Variants in SLC20A1 observed in about 807,000 individuals in gnomAD.
SLC20A1 encodes sodium-dependent phosphate transporter 1.
A neutral mutation model predicts 62.7 loss-of-function variants in SLC20A1; 28 were observed. The observed-to-expected ratio is 0.45, with a 90% confidence interval of 0.33 to 0.61. The LOEUF (loss-of-function observed/expected upper bound fraction) is 0.61. SLC20A1 is among the 20% of genes least tolerant of loss of function. The pLI, the probability that SLC20A1 is intolerant of heterozygous loss-of-function variation, is 0.02. For missense variants in SLC20A1, 673 were observed against 838.6 expected, an observed-to-expected ratio of 0.80 and a Z score of 2.44; for synonymous variants, 305 against 302.9, an observed-to-expected ratio of 1.01 and a Z score of -0.07.
At chr2:112,657,708 A>C (rs1460533701) in intron 6 of SLC20A1, among the ~76,000 whole-genome samples, 1 of 152,266 alleles carries the variant, frequency 6.6e-6, no homozygotes, top group African/African-American at 2.4e-5. Flanking sequence ...TCTAATGTGT[A>C]CATGTTGTAT....
intron 10 of SLC20A1, 23 bp from the exon 11 acceptor site, chr2:112,662,841 T>G (rs1483871794): frequency 1.2e-6 from 2 of 1,611,466 alleles, no homozygotes. Context: ...ATAACCTGTT[T>G]CCTTGGTCTG....
intron 4 of SLC20A1, 142 bp from the exon 5 acceptor site, chr2:112,652,560 G>A (rs540756775): frequency 4.3e-5 from 28 of 648,644 alleles, no homozygotes; most frequent in Non-Finnish European, 6.2e-5. Context: ...TGCAAATGCA[G>A]GAAAAACTCT....
intron 8 of SLC20A1, 62 bp from the exon 9 acceptor site, chr2:112,660,325 T>C: frequency 9.2e-6 from 13 of 1,416,622 alleles, no homozygotes; most frequent in South Asian, 1.3e-5. Flanking sequence ...TTCAGCAGAT[T>C]GGGTCTTGCC....
At chr2:112,662,115 A>T (rs1574192238) in intron 10 of SLC20A1, among the ~76,000 whole-genome samples, 1 of 152,242 alleles carries the variant, frequency 6.6e-6, no homozygotes, top group African/African-American at 2.4e-5. Context: ...TCTAATAATT[A>T]TAGGAGAAGG....
intron 5 of SLC20A1, 122 bp downstream of exon 5, chr2:112,652,920 C>T (rs1406883942): frequency 9.4e-6 from 15 of 1,591,014 alleles, no homozygotes; most frequent in African/African-American, 5.4e-5. Flanking sequence ...GGCTGGCCTG[C>T]GCCCATTTCA....
Position 112,647,643 on chromosome 2 carries a change from T to G in SLC20A1, c.476-10T>G. The G allele has an allele frequency of 6.2e-7, 1 of 1,608,784 alleles. No homozygotes were observed. The highest frequency in any genetic ancestry group is 8.5e-7 in the Non-Finnish European group (1 of 1,175,134). On this transcript the variant is annotated splice_polypyrimidine_tract_variant and intron_variant, in intron 3 of 10. Coordinates refer to ENST00000272542, the MANE Select transcript of SLC20A1 (RefSeq NM_005415.5). ...TATTTGATATTTTTTCTTAATGTGT[T>G]CTATTCCAGTGATGTCTTGGTTCGT...
chr2:112,659,148 A>T, intron 7 of SLC20A1, 54 bp downstream of exon 7: 1 of 1,605,734 alleles, frequency 6.2e-7, no homozygotes, highest in Non-Finnish European at 8.5e-7. Context: ...GAGGAGGCTT[A>T]TTGTTTTGGA....
In SLC20A1 at chr2:112,663,701, T is replaced by C. The variant is rs534990838; in HGVS notation, c.*676T>C. On this transcript the variant is annotated 3_prime_UTR_variant, in exon 11 of 11. Coordinates refer to ENST00000272542, the MANE Select transcript of SLC20A1 (RefSeq NM_005415.5). ...GGCAATCTTGGTTATTTCTTTAAGA[T>C]TTCTGGCAGTGTGGGATGGATGAAT... 4 of 154,346 alleles carry C rather than the reference T, an allele frequency of 2.6e-5. No individual in the cohort carries two copies. The highest frequency in any genetic ancestry group is 9.6e-5 in the African/African-American group (4 of 41,578). The allele number at this position is 154,346 out of a possible 1,614,324, so 9.6% of individuals were successfully genotyped here. A position where few individuals can be genotyped will look rare whatever the true frequency, so the allele number is the denominator to read the frequency against.
intron 4 of SLC20A1, chr2:112,652,390 T>C: frequency 2.5e-6 from 1 of 403,186 alleles, no homozygotes; most frequent in South Asian, 3.0e-5. Context: ...AGGTGTGTGC[T>C]GAAGTTTATA....
chr2:112,663,412 G>T lies in SLC20A1; in HGVS notation c.*387G>T. On this transcript the variant is annotated 3_prime_UTR_variant, in exon 11 of 11. Coordinates refer to ENST00000272542, the MANE Select transcript of SLC20A1 (RefSeq NM_005415.5). The stretch of plus-strand genomic sequence containing the variant: ...CGTTTGACAGAGCATGCTCTGCGTT[G>T]TTGGTTTCACCAGCTTCTGCCCTCA... The T allele has an allele frequency of 3.0e-6, 1 of 337,148 alleles. No individual in the cohort carries two copies. The highest frequency in any genetic ancestry group is 5.7e-6 in the Non-Finnish European group (1 of 175,830). The allele number at this position is 337,148 out of a possible 1,614,324, so 20.9% of individuals were successfully genotyped here.
Position 112,660,655 on chromosome 2 carries a change from C to T in SLC20A1, c.1793+83C>T, listed in dbSNP as rs115729098. The T allele has an allele frequency of 3.8e-4, 442 of 1,152,732 alleles. 3 individuals are homozygous for T. Among genetic ancestry groups the T allele is most frequent in the Non-Finnish European group, 4.5e-4 (377 of 831,260 alleles). 71.4% of individuals were successfully genotyped at this position (1,152,732 alleles called of 1,614,324 possible). A position where few individuals can be genotyped will look rare whatever the true frequency, so the allele number is the denominator to read the frequency against. On this transcript the variant is annotated intron_variant, in intron 9 of 10. Coordinates refer to ENST00000272542, the MANE Select transcript of SLC20A1 (RefSeq NM_005415.5). ...CACTGTCGAGTGCTAACACAAATCT[C>T]TAAAGTAACCAAGTTTGTATAAGTT...
intron 4 of SLC20A1, chr2:112,651,962 C>T (rs1402776927): frequency 6.6e-6 from 1 of 152,258 alleles, no homozygotes; most frequent in African/African-American, 2.4e-5. Flanking sequence ...CATGCTTATT[C>T]CTTGACCCTC....
At position 112,663,597 on chromosome 2, in the gene SLC20A1, A is replaced by AAAT. The variant is rs1289351604; in HGVS notation, c.*573_*575dup. ...GGATGAGGTTCTTTGAACACAGTGA[A>AAAT]AATTTAAATTAGTAACTTTTTTGCA... On this transcript the variant is annotated 3_prime_UTR_variant, in exon 11 of 11. Transcript: ENST00000272542. 9 of 155,856 alleles carry AAAT rather than the reference A, an allele frequency of 5.8e-5. No homozygotes were observed. The highest frequency in any genetic ancestry group is 2.2e-4 in the African/African-American group (9 of 41,544). 9.7% of individuals were successfully genotyped at this position (155,856 alleles called of 1,614,324 possible).
At position 112,647,558 on chromosome 2, in the gene SLC20A1, C is replaced by T. The variant is rs568051539; in HGVS notation, c.475+94C>T. 9.5e-6 allele frequency: 15 copies of T among 1,574,772 alleles called. No homozygotes were observed. In the East Asian group the frequency reaches 2.5e-4, roughly 26 times the overall value. On this transcript the variant is annotated intron_variant, in intron 3 of 10. Transcript: ENST00000272542. ...GAGGATGTGTTCTAACGTCGAGGGACAGACCCAAGAATTTTGAACTCTTAA... is the reference window on the plus strand; with the variant it reads ...GAGGATGTGTTCTAACGTCGAGGGATAGACCCAAGAATTTTGAACTCTTAA...
At chr2:112,658,560 T>G (rs1686662349) in intron 6 of SLC20A1, 1 of 377,832 alleles carries the variant, frequency 2.6e-6, no homozygotes, top group African/African-American at 2.1e-5. Flanking sequence ...AAAACAACAA[T>G]GTGCTACAGA....
At chr2:112,652,408 T>C in intron 4 of SLC20A1, 1 of 436,588 alleles carries the variant, frequency 2.3e-6, no homozygotes. Flanking sequence ...ATATTAGGGC[T>C]TTTGGGTACC....
intron 6 of SLC20A1, chr2:112,658,521 T>C (rs980192696): frequency 8.1e-6 from 2 of 248,394 alleles, no homozygotes; most frequent in South Asian, 1.6e-4. Context: ...AGGGTTCTTA[T>C]ATCTGTAAAG....
rs1207107446 is a variant in SLC20A1, at chr2:112,647,640, T to G, written c.476-13T>G. ...CATTATTTGATATTTTTTCTTAATG[T>G]GTTCTATTCCAGTGATGTCTTGGTT... On this transcript the variant is annotated splice_polypyrimidine_tract_variant and intron_variant, in intron 3 of 10. Coordinates refer to ENST00000272542, the MANE Select transcript of SLC20A1 (RefSeq NM_005415.5). 1 of 1,605,774 alleles carries G rather than the reference T, an allele frequency of 6.2e-7. No individual in the cohort carries two copies. The highest frequency in any genetic ancestry group is 1.7e-5 in the Admixed American group (1 of 59,712).
chr2:112,652,943 C>G (rs1686481761), intron 5 of SLC20A1, 145 bp downstream of exon 5: 1 of 1,567,602 alleles, frequency 6.4e-7, no homozygotes, highest in Non-Finnish European at 8.7e-7. Flanking sequence ...AGGCTGCAGG[C>G]TAGTGTACGC....
Sources: gnomAD v4.1 joint callset for allele counts (sites outside exome capture counted in the v4.1 genomes callset) on GRCh38, gnomAD v4.1.1 for gene constraint, MANE v1.5 for transcripts, NCBI Gene and HGNC (gene_info 2026-07-23, HGNC 2026-07-21) for gene names.